The following TAOK3 variants were observed in gnomAD, a reference collection of about 807,000 sequenced individuals.
TAOK3 encodes TAO kinase 3.
Under a neutral mutation model 120.4 loss-of-function variants are expected in TAOK3, and 40 were observed. That is an observed-to-expected ratio of 0.33 (90% CI 0.26 to 0.43). The LOEUF (loss-of-function observed/expected upper bound fraction) is 0.43, where lower values mean the gene tolerates loss of function less well. Among genes scored for constraint, TAOK3 ranks in the 20% least tolerant of loss-of-function variants. The pLI is 1.00. For synonymous variants in TAOK3, 355 were observed against 387.5 expected, an observed-to-expected ratio of 0.92 and a Z score of 0.99; for missense variants, 821 against 1,112.1, an observed-to-expected ratio of 0.74 and a Z score of 3.72.
In TAOK3 at chr12:118,208,780, C is replaced by T. The variant is rs142588125; in HGVS notation, c.819+4134G>A. Among the ~76,000 whole-genome samples the T allele has an allele frequency of 3.9e-4, 60 of 152,254 alleles. No homozygotes were observed. The East Asian group carries it at 0.011, about 29-fold the overall frequency. On this transcript the variant is annotated intron_variant, in intron 11 of 20. Transcript: ENST00000392533. ...AGGCTGGAGTGCAGTGGCACGATCT[C>T]GGCTCACTGCAAACTTCGCCTTCCG...
chr12:118,230,736 C>T (rs1332638778), intron 9 of TAOK3, among the ~76,000 whole-genome samples: 6 of 151,878 alleles, frequency 4.0e-5, no homozygotes, highest in African/African-American at 7.3e-5. Flanking sequence ...CCCAAAGTGC[C>T]GAGATTATAG....
intron 1 of TAOK3, among the ~76,000 whole-genome samples, chr12:118,369,693 GAGTTA>G (rs2045844328): frequency 6.6e-6 from 1 of 151,844 alleles, no homozygotes; most frequent in African/African-American, 2.4e-5. Context: ...ATACCCTTTT[GAGTTA>G]ACCGACCTTA....
intron 16 of TAOK3, among the ~76,000 whole-genome samples, chr12:118,176,044 A>G (rs1196932234): frequency 6.6e-6 from 1 of 152,244 alleles, no homozygotes; most frequent in Admixed American, 6.5e-5. Flanking sequence ...AAACAAATGT[A>G]TAATTAAAGG....
At chr12:118,215,972 G>A (rs1473526028) in intron 9 of TAOK3, among the ~76,000 whole-genome samples, 12 of 151,926 alleles carry the variant, frequency 7.9e-5, no homozygotes, top group Middle Eastern at 3.2e-3. Context: ...GGCCGAGGCC[G>A]GCAGATCACC....
In TAOK3 at chr12:118,365,207, C is replaced by A. The variant is rs370401219; in HGVS notation, c.-194+7441G>T. Among the ~76,000 whole-genome samples the A allele has an allele frequency of 4.6e-5, 7 of 152,262 alleles. No individual in the cohort carries two copies. In the South Asian group the frequency reaches 8.3e-4, roughly 18 times the overall value. On this transcript the variant is annotated intron_variant, in intron 1 of 20. Coordinates refer to ENST00000392533, the MANE Select transcript of TAOK3 (RefSeq NM_016281.4). ...TAATGCTAACATTTATTCTTACATT[C>A]CAAAGAAATCAGTATCTCTCTCTCT... is the stretch of plus-strand genomic sequence containing the variant.
chr12:118,332,143 C>T (rs763565556), intron 1 of TAOK3, among the ~76,000 whole-genome samples: 1 of 152,140 alleles, frequency 6.6e-6, no homozygotes, highest in Admixed American at 6.5e-5. Context: ...GTTTTTAACA[C>T]CTATGATACC....
chr12:118,286,063 G>T (rs1381967999), intron 1 of TAOK3, among the ~76,000 whole-genome samples: 1 of 152,282 alleles, frequency 6.6e-6, no homozygotes. Context: ...GGGTGACCCT[G>T]AATAGAATGG....
At chr12:118,247,011 A>G in intron 3 of TAOK3, 1 of 885,066 alleles carries the variant, frequency 1.1e-6, no homozygotes. Flanking sequence ...TGAAAAAAAA[A>G]TTATAAAAGA....
chr12:118,219,733 T>G (rs1385295500), intron 9 of TAOK3, among the ~76,000 whole-genome samples: 1 of 151,142 alleles, frequency 6.6e-6, no homozygotes, highest in Admixed American at 6.6e-5. Context: ...TAGCTGGGAT[T>G]ATAGGCATGA....
At chr12:118,294,456 T>A (rs2042600530) in intron 1 of TAOK3, among the ~76,000 whole-genome samples, 1 of 151,960 alleles carries the variant, frequency 6.6e-6, no homozygotes, top group African/African-American at 2.4e-5. Flanking sequence ...CACTCTCGGC[T>A]CACTCCAACC....
chr12:118,319,914 T>C (rs1360672400), intron 1 of TAOK3, among the ~76,000 whole-genome samples: 5 of 152,190 alleles, frequency 3.3e-5, no homozygotes, highest in Non-Finnish European at 7.3e-5. Flanking sequence ...ATACCAGCAT[T>C]ATTCACAATA....
At chr12:118,191,512 T>C (rs2037429168) in intron 13 of TAOK3, among the ~76,000 whole-genome samples, 2 of 152,204 alleles carry the variant, frequency 1.3e-5, no homozygotes, top group South Asian at 4.1e-4. Flanking sequence ...AGTTCCTGAG[T>C]CATAATGGCT....
chr12:118,241,025 G>A (rs2040228255), intron 5 of TAOK3, among the ~76,000 whole-genome samples: 1 of 148,910 alleles, frequency 6.7e-6, no homozygotes, highest in Non-Finnish European at 1.5e-5. Flanking sequence ...AGTATACTGT[G>A]TCTATATTAT....
intron 17 of TAOK3, among the ~76,000 whole-genome samples, chr12:118,169,822 G>A (rs1036292483): frequency 4.6e-5 from 7 of 151,952 alleles, no homozygotes; most frequent in Admixed American, 4.6e-4. Context: ...CCGGGTTCAC[G>A]CCATTCTCCT....
chr12:118,254,462 T>A (rs1162418454), intron 3 of TAOK3, among the ~76,000 whole-genome samples: 1 of 152,170 alleles, frequency 6.6e-6, no homozygotes, highest in Admixed American at 6.5e-5. Context: ...AAAAGACATA[T>A]ATAAAGCAAA....
chr12:118,250,710 C>T (rs1321410216), intron 3 of TAOK3, among the ~76,000 whole-genome samples: 1 of 152,008 alleles, frequency 6.6e-6, no homozygotes, highest in Non-Finnish European at 1.5e-5. Flanking sequence ...TAGACAATAA[C>T]AAAAATAAAA....
chr12:118,186,520 T>G (rs2037086766), intron 14 of TAOK3, among the ~76,000 whole-genome samples: 1 of 152,032 alleles, frequency 6.6e-6, no homozygotes, highest in South Asian at 2.1e-4. Context: ...CCATAAAAAC[T>G]CAAGGAAGGC....
chr12:118,201,238 A>G, intron 12 of TAOK3, 58 bp downstream of exon 12: 2 of 1,512,056 alleles, frequency 1.3e-6, no homozygotes, highest in South Asian at 2.5e-5. Context: ...TGCCCAGTCT[A>G]GAACTTTTTC....
intron 1 of TAOK3, among the ~76,000 whole-genome samples, chr12:118,349,765 C>T (rs1288807249): frequency 6.6e-6 from 1 of 151,974 alleles, no homozygotes; most frequent in Non-Finnish European, 1.5e-5. Flanking sequence ...AAAATTTTAT[C>T]TAAATTAAAA....
Sources: gnomAD v4.1 joint callset for allele counts (sites outside exome capture counted in the v4.1 genomes callset) on GRCh38, gnomAD v4.1.1 for gene constraint, MANE v1.5 for transcripts, NCBI Gene and HGNC (gene_info 2026-07-23, HGNC 2026-07-21) for gene names.